Variants in MYH3 observed in about 807,000 individuals in gnomAD.
MYH3 encodes the protein myosin-3.
MYH3 carries 130 observed loss-of-function variants against 238.0 expected under a neutral mutation model. That is an observed-to-expected ratio of 0.55 (90% CI 0.47 to 0.63). The LOEUF is 0.63. Among genes scored for constraint, MYH3 ranks in the 30% least tolerant of loss-of-function variants. The pLI is 0.00. For synonymous variants in MYH3, 880 were observed against 924.1 expected, an observed-to-expected ratio of 0.95 and a Z score of 0.86; for missense variants, 1,853 against 2,374.9, an observed-to-expected ratio of 0.78 and a Z score of 4.57.
the MYH3 span, chr17:10,674,999 A>T: frequency 6.6e-6 from 1 of 151,810 alleles, no homozygotes; most frequent in Non-Finnish European, 1.5e-5. Context: ...GAATGTGCCC[A>T]CTCTCCCCTT....
the MYH3 span, among the ~76,000 whole-genome samples, chr17:10,667,222 A>T: frequency 6.6e-6 from 1 of 152,254 alleles, no homozygotes; most frequent in Non-Finnish European, 1.5e-5. Context: ...CTAGGAACCT[A>T]CGGTAAGAGA....
the MYH3 span, among the ~76,000 whole-genome samples, chr17:10,669,577 A>G: frequency 6.6e-6 from 1 of 151,706 alleles, no homozygotes; most frequent in Non-Finnish European, 1.5e-5. Flanking sequence ...AAAAAAAAAA[A>G]AAAAAAAGAG....
In MYH3 at chr17:10,647,471, C is replaced by T. The variant is rs867010710; in HGVS notation, c.736-45G>A. ...GGGGGAGACCAGATTCTACCATGGCCCAATAGTTCCTATTCATCTTATGGG... is the reference window on the plus strand; with the variant it reads ...GGGGGAGACCAGATTCTACCATGGCTCAATAGTTCCTATTCATCTTATGGG... On this transcript the variant is annotated intron_variant, in intron 8 of 40. Coordinates refer to ENST00000583535, the MANE Select transcript of MYH3 (RefSeq NM_002470.4). 2.3e-5 allele frequency: 37 copies of T among 1,589,738 alleles called. No homozygotes were observed. In the Middle Eastern group the frequency reaches 6.0e-3, roughly 257 times the overall value.
chr17:10,645,744 C>T lies in MYH3; in HGVS notation c.1104G>A (p.Lys368=). ...CCGGCTCGGCCTGCTCCTCTCGCTGCTTCTGCTTGAACTTCATGTTCCCGT... is the reference window on the plus strand; with the variant it reads ...CCGGCTCGGCCTGCTCCTCTCGCTGTTTCTGCTTGAACTTCATGTTCCCGT... The part of the protein sequence containing the change: ...MHYGNMKFKQ[K]QREEQAEPDG... The change falls in exon 12 of 41, where the codon AAG becomes AAA. Residue 368 remains lysine, a synonymous_variant. Transcript: ENST00000583535. The T allele has an allele frequency of 1.9e-6, 3 of 1,613,702 alleles. No homozygotes were observed. In the South Asian group the frequency reaches 3.3e-5, roughly 18 times the overall value.
In MYH3 at chr17:10,639,116, T is replaced by C. The variant is rs1204301729; in HGVS notation, c.3176A>G (p.Asp1059Gly). Residue 1059 changes from aspartate to glycine, a missense_variant, in exon 25 of 41, where the codon GAC becomes GGC. Around this residue, in one of 3 missense-constraint regions of MYH3, gnomAD observed 1,044 missense variants for 1,192.6 expected, o/e 0.88. Coordinates refer to ENST00000583535, the MANE Select transcript of MYH3 (RefSeq NM_002470.4). Reference sequence around the variant, plus strand: ...TATGGACTCTTGAGCAAGCTTCAAGTCTCCTTCCAATTTCCTTTTGTTCCT... The same window carrying C: ...TATGGACTCTTGAGCAAGCTTCAAGCCTCCTTCCAATTTCCTTTTGTTCCT... Reference protein sequence around the residue: ...LERNKRKLEGDLKLAQESILD... With the variant: ...LERNKRKLEGGLKLAQESILD... 1 of 1,614,178 alleles carries C rather than the reference T, an allele frequency of 6.2e-7. No individual in the cohort carries two copies. Among genetic ancestry groups the C allele is most frequent in the South Asian group, 1.1e-5 (1 of 91,076 alleles).
chr17:10,675,022 C>T, the MYH3 span: 1 of 152,410 alleles, frequency 6.6e-6, no homozygotes, highest in Non-Finnish European at 1.5e-5. Flanking sequence ...GTTTGCTCCT[C>T]CTCAGTGTCA....
chr17:10,640,216 G>A lies in MYH3; in HGVS notation c.2462C>T (p.Ser821Leu), dbSNP rs903313088. 5 of 1,614,230 alleles carry A rather than the reference G, an allele frequency of 3.1e-6. No individual in the cohort carries two copies. Among genetic ancestry groups the A allele is most frequent in the Non-Finnish European group, 4.2e-6 (5 of 1,180,042 alleles). ...SIFCIQYNIR[S>L]FMNVKHWPWM... ...GGGCCAGTGCTTGACGTTCATGAAT[G>A]AGCGAATGTTGTACTGGATGCAGAA... The change falls in exon 22 of 41, where the codon TCA becomes TTA. Residue 821 changes from serine (S) to leucine (L), a missense_variant. Ser to Leu is a moderately radical substitution (Grantham distance 145). Around this residue, in one of 3 missense-constraint regions of MYH3, gnomAD observed 678 missense variants for 1,058.9 expected, o/e 0.64. Coordinates refer to ENST00000583535, the MANE Select transcript of MYH3 (RefSeq NM_002470.4).
At chr17:10,660,603 G>A (rs1048536913), upstream of MYH3, among the ~76,000 whole-genome samples, 1 of 151,962 alleles carries the variant, frequency 6.6e-6, no homozygotes, top group Non-Finnish European at 1.5e-5. Flanking sequence ...TGTGAACCTG[G>A]GAGGCGGCGC....
In MYH3 at chr17:10,654,291, C is replaced by T. The variant is rs2074407569; in HGVS notation, c.204+570G>A. The stretch of plus-strand genomic sequence containing the variant: ...TTTTCTTGGGACTTTTCCAGATTCT[C>T]CTGATGTGGATTTTAGAAACTAGTG... On this transcript the variant is annotated intron_variant, in intron 3 of 40. Transcript: ENST00000583535. This position sits in a 1 kb window ranked among gnomAD's most constrained non-coding sequence, Gnocchi z 4.5. Among the ~76,000 whole-genome samples the T allele has an allele frequency of 6.6e-6, 1 of 151,700 alleles. No individual in the cohort carries two copies. Among genetic ancestry groups the T allele is most frequent in the African/African-American group, 2.4e-5 (1 of 41,226 alleles).
Position 10,628,611 on chromosome 17 carries a change from A to G in MYH3, c.*42T>C. ...ATCAATGGTCAGGAATCAAGAAAAT[A>G]TACATTTTGCATATCTTCTGTCCTG... On this transcript the variant is annotated 3_prime_UTR_variant, in exon 41 of 41. Coordinates refer to ENST00000583535, the MANE Select transcript of MYH3 (RefSeq NM_002470.4). 6.2e-7 allele frequency: 1 copy of G among 1,607,758 alleles called. No homozygotes were observed. Among genetic ancestry groups the G allele is most frequent in the Non-Finnish European group, 8.5e-7 (1 of 1,174,154 alleles).
upstream of MYH3, chr17:10,659,024 T>C (rs1597497366): frequency 2.0e-5 from 3 of 150,672 alleles, no homozygotes; most frequent in African/African-American, 7.3e-5. Context: ...TCTCCAGCAG[T>C]GGTGTATGCA....
chr17:10,652,698 T>C (rs969699686), intron 3 of MYH3, 135 bp from the exon 4 acceptor site: 1 of 963,104 alleles, frequency 1.0e-6, no homozygotes, highest in African/African-American at 1.8e-5. Context: ...CTCGGCTCAC[T>C]GCAAGCTCCA....
At chr17:10,631,583 C>G in intron 36 of MYH3, 28 bp downstream of exon 36, 1 of 1,614,094 alleles carries the variant, frequency 6.2e-7, no homozygotes, top group Non-Finnish European at 8.5e-7. Flanking sequence ...CCCGGCAGCC[C>G]GAGGGCAGCA....
intron 14 of MYH3, among the ~76,000 whole-genome samples, chr17:10,643,848 T>C (rs1374076610): frequency 2.0e-5 from 3 of 152,192 alleles, no homozygotes; most frequent in Admixed American, 6.5e-5. Context: ...TTGATAGACA[T>C]CTTCTCCTCT....
chr17:10,651,419 C>A, intron 5 of MYH3, 93 bp downstream of exon 5: 1 of 1,601,732 alleles, frequency 6.2e-7, no homozygotes, highest in East Asian at 2.2e-5. Flanking sequence ...TGCTAAACAC[C>A]AGATGGGGTC....
At chr17:10,659,083 T>C (rs559422350), upstream of MYH3, 3 of 152,382 alleles carry the variant, frequency 2.0e-5, no homozygotes, top group Admixed American at 6.5e-5. Context: ...TTGCAGTTCC[T>C]ACGTCAACAC....
At chr17:10,629,793 C>A in intron 39 of MYH3, 49 bp downstream of exon 39, 1 of 1,614,090 alleles carries the variant, frequency 6.2e-7, no homozygotes, top group South Asian at 1.1e-5. Context: ...GAACTCACCA[C>A]GGGAAACAGC....
chr17:10,638,447 C>G lies in MYH3; in HGVS notation c.3340-15G>C. 3 of 1,599,592 alleles carry G rather than the reference C, an allele frequency of 1.9e-6. No individual in the cohort carries two copies. The highest frequency in any genetic ancestry group is 2.5e-6 in the Non-Finnish European group (3 of 1,179,936). On this transcript the variant is annotated splice_polypyrimidine_tract_variant and intron_variant, in intron 26 of 40. Coordinates refer to ENST00000583535, the MANE Select transcript of MYH3 (RefSeq NM_002470.4). The stretch of plus-strand genomic sequence containing the variant: ...TCAATTCGAGCCTGTGGAGGGCAGC[C>G]GTTCACCCCGTGGGCAGTGGGTTCA...
intron 40 of MYH3, among the ~76,000 whole-genome samples, chr17:10,629,186 C>A (rs1946118258): frequency 6.6e-6 from 1 of 152,122 alleles, no homozygotes; most frequent in Non-Finnish European, 1.5e-5. Flanking sequence ...TTGCCGCCCC[C>A]ACCCCCGGAA....
Sources: gnomAD v4.1 joint callset for allele counts (sites outside exome capture counted in the v4.1 genomes callset) on GRCh38, gnomAD v4.1.1 for gene constraint, gnomAD v4.1.1 regional missense constraint, Gnocchi (gnomAD v3.1) non-coding constraint, MANE v1.5 for transcripts, NCBI Gene and HGNC (gene_info 2026-07-23, HGNC 2026-07-21) for gene names.